The following CDC42EP5 variants were observed in gnomAD, a reference collection of about 807,000 sequenced individuals.
CDC42EP5 encodes CDC42 effector protein 5.
For synonymous variants in CDC42EP5, 118 were observed against 123.3 expected, an observed-to-expected ratio of 0.96 and a Z score of 0.28; for missense variants, 269 against 238.0, an observed-to-expected ratio of 1.13 and a Z score of -0.86.
intron 2 of CDC42EP5, among the ~76,000 whole-genome samples, chr19:54,470,314 G>C (rs2084816779): frequency 6.6e-6 from 1 of 152,032 alleles, no homozygotes; most frequent in African/African-American, 2.4e-5. Flanking sequence ...TGAGGCTGCA[G>C]TGAGGTATGA....
At position 54,465,223 on chromosome 19, in the gene CDC42EP5, C is replaced by A; in HGVS notation, c.325G>T (p.Ala109Ser). 6.9e-7 allele frequency: 1 copy of A among 1,441,374 alleles called. No individual in the cohort carries two copies. Among genetic ancestry groups the A allele is most frequent in the African/African-American group, 1.5e-5 (1 of 67,372 alleles). 89.3% of individuals were successfully genotyped at this position (1,441,374 alleles called of 1,614,324 possible). A position where few individuals can be genotyped will look rare whatever the true frequency, so the allele number is the denominator to read the frequency against. ...GCGGCAGCCGCCTCCGGGCGCGCCGCGTCCATGACGCCCAGCACCGCGTCC... is the reference window on the plus strand; with the variant it reads ...GCGGCAGCCGCCTCCGGGCGCGCCGAGTCCATGACGCCCAGCACCGCGTCC... Reference protein sequence around the residue: ...MLDAVLGVMDAARPEAAAAKP... With the variant: ...MLDAVLGVMDSARPEAAAAKP... The change falls in exon 3 of 3, where the codon GCG becomes TCG. Residue 109 changes from alanine to serine, a missense_variant. By Grantham distance (99) the Ala-to-Ser change is moderately conservative. Transcript: ENST00000301200.
chr19:54,465,095 G>A lies in CDC42EP5; in HGVS notation c.*6C>T. ...CGGGCGGGAAGGGCGCGGGGAATGA[G>A]GGAACCTAGAGGCCGATGACGTCGT... is the stretch of plus-strand genomic sequence containing the variant. On this transcript the variant is annotated 3_prime_UTR_variant, in exon 3 of 3. Transcript: ENST00000301200. The A allele has an allele frequency of 3.0e-6, 4 of 1,348,702 alleles. No homozygotes were observed. Among genetic ancestry groups the A allele is most frequent in the Non-Finnish European group, 3.8e-6 (4 of 1,050,480 alleles). The allele number at this position is 1,348,702 out of a possible 1,614,324, so 83.5% of individuals were successfully genotyped here.
At position 54,465,158 on chromosome 19, in the gene CDC42EP5, G is replaced by A. The variant is rs117435208; in HGVS notation, c.390C>T (p.Pro130=). Reference sequence around the variant, plus strand: ...CCGCGTTGGGGCGGCAGCGGGCCTGGGGGGGCTGCGTCCCGGGGCGGGGTT... The same window carrying A: ...CCGCGTTGGGGCGGCAGCGGGCCTGAGGGGGCTGCGTCCCGGGGCGGGGTT... ...DAEPRPGTQP[P]QARCRPNADL... The change falls in exon 3 of 3, where the codon CCC becomes CCT. Residue 130 remains proline (P), a synonymous_variant. Coordinates refer to ENST00000301200, the MANE Select transcript of CDC42EP5 (RefSeq NM_145057.4). The A allele has an allele frequency of 2.1e-6, 3 of 1,410,806 alleles. No homozygotes were observed. Among genetic ancestry groups the A allele is most frequent in the African/African-American group, 1.5e-5 (1 of 66,654 alleles). The allele number at this position is 1,410,806 out of a possible 1,614,324, so 87.4% of individuals were successfully genotyped here.
chr19:54,469,045 A>C (rs1298188382), intron 2 of CDC42EP5, among the ~76,000 whole-genome samples: 1 of 150,560 alleles, frequency 6.6e-6, no homozygotes, highest in Non-Finnish European at 1.5e-5. Context: ...CCCAGGCAAG[A>C]GTGCAATGGC....
Position 54,465,469 on chromosome 19 carries a change from G to A in CDC42EP5, c.79C>T (p.Leu27Phe). ...TGCAGCGTGTGCCGGAAGTCGCCGA[G>A]CGGCGCGGAGATGGACAGGGCGCCG... ...DRGALSISAP[L>F]GDFRHTLHVG... Residue 27 changes from leucine to phenylalanine, a missense_variant, in exon 3 of 3, where the codon CTC becomes TTC. Leu to Phe is a conservative substitution (Grantham distance 22). Transcript: ENST00000301200. 1 of 1,519,618 alleles carries A rather than the reference G, an allele frequency of 6.6e-7. No homozygotes were observed. 94.1% of individuals were successfully genotyped at this position (1,519,618 alleles called of 1,614,324 possible).
Position 54,465,273 on chromosome 19 carries a change from TG to T in CDC42EP5, c.274del (p.His92ThrfsTer51). On this transcript the variant is annotated frameshift_variant, in exon 3 of 3. Coordinates refer to ENST00000301200, the MANE Select transcript of CDC42EP5 (RefSeq NM_145057.4). LOFTEE classifies it low-confidence loss of function (END_TRUNC). ...CAGCATGGAGGGCCCCAGATCCAGG[TG>T]GAAGGACAGCAGCGGGTCGGCAGGC... is the stretch of plus-strand genomic sequence containing the variant. ...PSPADPLLSF[H>X]LDLGPSMLDA... 3.0e-6 allele frequency: 4 copies of T among 1,345,490 alleles called. No homozygotes were observed. The highest frequency in any genetic ancestry group is 1.8e-5 in the South Asian group (1 of 54,338). 83.3% of individuals were successfully genotyped at this position (1,345,490 alleles called of 1,614,324 possible). A position where few individuals can be genotyped will look rare whatever the true frequency, so the allele number is the denominator to read the frequency against.
At chr19:54,471,016 G>A (rs1013966735) in intron 2 of CDC42EP5, among the ~76,000 whole-genome samples, 1 of 152,152 alleles carries the variant, frequency 6.6e-6, no homozygotes, top group Non-Finnish European at 1.5e-5. Flanking sequence ...ACTTCTGCCA[G>A]CCTGGGTGTC....
chr19:54,468,619 C>A (rs2084786310), intron 2 of CDC42EP5, among the ~76,000 whole-genome samples: 1 of 152,146 alleles, frequency 6.6e-6, no homozygotes, highest in Non-Finnish European at 1.5e-5. Flanking sequence ...TCTTGGCTCA[C>A]TGCAACCTCC....
chr19:54,465,672 C>T (rs1460571850), intron 2 of CDC42EP5, 125 bp from the exon 3 acceptor site: 2 of 1,197,822 alleles, frequency 1.7e-6, no homozygotes, highest in African/African-American at 3.2e-5. Context: ...GAGACGGAGT[C>T]TCGCCCATGC....
In CDC42EP5 at chr19:54,465,404, G is replaced by A; in HGVS notation, c.144C>T (p.Phe48=). The A allele has an allele frequency of 1.5e-6, 2 of 1,372,578 alleles. No homozygotes were observed. The highest frequency in any genetic ancestry group is 1.9e-6 in the Non-Finnish European group (2 of 1,059,080). The allele number at this position is 1,372,578 out of a possible 1,614,324, so 85.0% of individuals were successfully genotyped here. A position where few individuals can be genotyped will look rare whatever the true frequency, so the allele number is the denominator to read the frequency against. ...GCGGCCCGCCGCCGTGGCGGCTCAG[G>A]AACGAGGTGTCCCCGAAGGCGTCGC... ...RGGDAFGDTS[F]LSRHGGGPPP... Residue 48 remains phenylalanine (F), a synonymous_variant, in exon 3 of 3, where the codon TTC becomes TTT. Coordinates refer to ENST00000301200, the MANE Select transcript of CDC42EP5 (RefSeq NM_145057.4).
chr19:54,468,924 T>TTCCTTCCTTCC lies in CDC42EP5; in HGVS notation c.-1+2620_-1+2621insGGAAGGAAGGA, dbSNP rs2084795615. 4.9e-3 allele frequency among the ~76,000 whole-genome samples: 155 copies of TTCCTTCCTTCC among 31,598 alleles called. 1 individual carries two copies. Among genetic ancestry groups the TTCCTTCCTTCC allele is most frequent in the African/African-American group, 0.014 (130 of 9,336 alleles). 20.7% of individuals were successfully genotyped at this position (31,598 alleles called of 152,430 possible). On this transcript the variant is annotated intron_variant, in intron 2 of 2. Transcript: ENST00000301200. ...CCTTCCTTCCTTCCTTCCTTCCTTC[T>TTCCTTCCTTCC]TTCTTTCTTTTCTTCCCTCCCTCCC...
chr19:54,470,690 A>C (rs577000374), intron 2 of CDC42EP5, among the ~76,000 whole-genome samples: 2 of 152,268 alleles, frequency 1.3e-5, no homozygotes, highest in Admixed American at 1.3e-4. Flanking sequence ...AATCTTCAGG[A>C]CAACTCCATT....
chr19:54,471,252 A>G (rs2084832142), intron 2 of CDC42EP5, among the ~76,000 whole-genome samples: 1 of 151,918 alleles, frequency 6.6e-6, no homozygotes, highest in South Asian at 2.1e-4. Flanking sequence ...CTGCTGGGGC[A>G]GGGCCACGGC....
chr19:54,467,394 G>A (rs1378600836), intron 2 of CDC42EP5, among the ~76,000 whole-genome samples: 2 of 151,134 alleles, frequency 1.3e-5, no homozygotes, highest in African/African-American at 4.9e-5. Context: ...CAGAGGTTGT[G>A]GTGAGCTGAG....
intron 2 of CDC42EP5, among the ~76,000 whole-genome samples, chr19:54,468,938 TCCC>T (rs2123294445): frequency 5.4e-5 from 8 of 149,282 alleles, no homozygotes; most frequent in East Asian, 2.0e-4. Flanking sequence ...TTTCTTTTCT[TCCC>T]TCCCTCCCTC....
chr19:54,466,203 G>A (rs2084755232), intron 2 of CDC42EP5, among the ~76,000 whole-genome samples: 1 of 152,070 alleles, frequency 6.6e-6, no homozygotes, highest in African/African-American at 2.4e-5. Flanking sequence ...AGCACCTTGG[G>A]AGGCCGAGGC....
intron 2 of CDC42EP5, among the ~76,000 whole-genome samples, chr19:54,469,395 C>A (rs941545005): frequency 6.6e-6 from 1 of 152,074 alleles, no homozygotes; most frequent in Admixed American, 6.6e-5. Context: ...AAAATCCTCT[C>A]TAGCTGCTAA....
intron 2 of CDC42EP5, among the ~76,000 whole-genome samples, chr19:54,469,377 T>TA (rs2084805176): frequency 7.6e-6 from 1 of 131,844 alleles, no homozygotes; most frequent in Non-Finnish European, 1.7e-5. Flanking sequence ...GATCCACAGT[T>TA]TAAAAAAAAA....
intron 2 of CDC42EP5, among the ~76,000 whole-genome samples, chr19:54,470,267 G>A (rs1233461421): frequency 6.6e-6 from 1 of 152,036 alleles, no homozygotes; most frequent in Non-Finnish European, 1.5e-5. Flanking sequence ...AGCTACCTGG[G>A]AGGCTGAAAA....
Sources: allele counts gnomAD v4.1 joint callset (sites outside exome capture counted in the v4.1 genomes callset), GRCh38; gene constraint gnomAD v4.1.1; transcripts MANE v1.5; gene names NCBI Gene and HGNC (gene_info 2026-07-23, HGNC 2026-07-21).